FSCN1: variants seen among roughly 807,000 people sequenced by gnomAD.
FSCN1 encodes fascin actin-bundling protein 1.
A neutral mutation model predicts 39.7 loss-of-function variants in FSCN1; 10 were observed. That is an observed-to-expected ratio of 0.25 (90% CI 0.16 to 0.43). The LOEUF (loss-of-function observed/expected upper bound fraction) is 0.43, where lower values mean the gene tolerates loss of function less well. Among genes scored for constraint, FSCN1 ranks in the 20% least tolerant of loss-of-function variants. FSCN1 has a pLI of 1.00. For synonymous variants in FSCN1, 322 were observed against 320.0 expected (o/e 1.01, Z -0.07); for missense variants, 525 against 723.8 (o/e 0.73, Z 3.15).
chr7:5,594,371 C>A (rs1785691974), intron 1 of FSCN1, among the ~76,000 whole-genome samples: 1 of 151,824 alleles, frequency 6.6e-6, no homozygotes, highest in Non-Finnish European at 1.5e-5. Context: ...TGGGGGGGGG[C>A]GCGGGGTGTC....
At position 5,603,803 on chromosome 7, in the gene FSCN1, C is replaced by T. The variant is rs113121892; in HGVS notation, c.1112-60C>T. On this transcript the variant is annotated intron_variant, in intron 3 of 4. Transcript: ENST00000382361. The surrounding 1 kb of genome is among the most constrained non-coding windows in gnomAD (Gnocchi z 8.5). ...GCTCCTGGCCCTCCCTCTCTGGTCACCCCAGCCTCCACCCCACTCCCTGCC... is the reference window on the plus strand; with the variant it reads ...GCTCCTGGCCCTCCCTCTCTGGTCATCCCAGCCTCCACCCCACTCCCTGCC... 5.2e-4 allele frequency: 805 copies of T among 1,560,878 alleles called. 5 individuals are homozygous for T. The African/African-American group carries it at 8.2e-3, about 16-fold the overall frequency.
At position 5,603,843 on chromosome 7, in the gene FSCN1, C is replaced by G. The variant is rs539995032; in HGVS notation, c.1112-20C>G. 25 of 1,607,702 alleles carry G rather than the reference C, an allele frequency of 1.6e-5. No homozygotes were observed. Among genetic ancestry groups the G allele is most frequent in the Non-Finnish European group, 1.7e-5 (20 of 1,175,712 alleles). On this transcript the variant is annotated intron_variant, in intron 3 of 4. Coordinates refer to ENST00000382361, the MANE Select transcript of FSCN1 (RefSeq NM_003088.4). The surrounding 1 kb of genome is among the most constrained non-coding windows in gnomAD (Gnocchi z 8.5). ...CACTCCCTGCCAGGAGGCTCACTGA[C>G]TCCCCTCTTTCTGGGACAGGGGACT...
rs531997577 is a variant in FSCN1 at position 5,604,603 on chromosome 7, G to A, written c.1279+573G>A. Among the ~76,000 whole-genome samples the A allele has an allele frequency of 5.6e-4, 85 of 151,736 alleles. 1 individual carries two copies. Among genetic ancestry groups the A allele is most frequent in the African/African-American group, 2.0e-3 (82 of 41,348 alleles). ...CCTGCCTCAGCCTCCCAAGTAGCTG[G>A]GATTACAGGTGTGCACCACCACGCC... On this transcript the variant is annotated intron_variant, in intron 4 of 4. Coordinates refer to ENST00000382361, the MANE Select transcript of FSCN1 (RefSeq NM_003088.4).
chr7:5,605,211 T>C lies in FSCN1; in HGVS notation c.1280-61T>C. The C allele has an allele frequency of 7.5e-7, 1 of 1,325,500 alleles. No individual in the cohort carries two copies. The highest frequency in any genetic ancestry group is 1.1e-6 in the Non-Finnish European group (1 of 926,752). 82.1% of individuals were successfully genotyped at this position (1,325,500 alleles called of 1,614,324 possible). On this transcript the variant is annotated intron_variant, in intron 4 of 4. Transcript: ENST00000382361. This position sits in a 1 kb window ranked among gnomAD's most constrained non-coding sequence, Gnocchi z 6.9. ...GGGAACACCCGTGCCCACCCTCCGCTGCCCAGGGTAGGGGTGGGGAGCCAG... is the reference window on the plus strand; with the variant it reads ...GGGAACACCCGTGCCCACCCTCCGCCGCCCAGGGTAGGGGTGGGGAGCCAG...
At position 5,600,693 on chromosome 7, in the gene FSCN1, GC is replaced by G. The variant is rs774114418; in HGVS notation, c.833-2561del. The stretch of plus-strand genomic sequence containing the variant: ...TTTTGAGACAGAGTCTCGCATTGTC[GC>G]CCAGGCTGGAGTGCAGTGGCGCGAT... On this transcript the variant is annotated intron_variant, in intron 1 of 4. Coordinates refer to ENST00000382361, the MANE Select transcript of FSCN1 (RefSeq NM_003088.4). 8.9e-5 allele frequency among the ~76,000 whole-genome samples: 13 copies of G among 145,640 alleles called. 1 individual carries two copies. The East Asian group carries it at 2.5e-3, about 28-fold the overall frequency.
Position 5,603,864 on chromosome 7 carries a change from G to GGACTCA in FSCN1, c.1116_1121dup (p.Asp372_Ser373dup), listed in dbSNP as rs1282537463. 1 of 1,612,460 alleles carries GGACTCA rather than the reference G, an allele frequency of 6.2e-7. No individual in the cohort carries two copies. Among genetic ancestry groups the GGACTCA allele is most frequent in the African/African-American group, 1.3e-5 (1 of 74,902 alleles). On this transcript the variant is annotated inframe_insertion and splice_region_variant, in exon 4 of 5. Transcript: ENST00000382361. The surrounding 1 kb of genome is among the most constrained non-coding windows in gnomAD (Gnocchi z 8.5). ...CTGACTCCCCTCTTTCTGGGACAGG[G>GGACTCA]GACTCAGAGCTCTTCCTCATGAAGC...
intron 1 of FSCN1, among the ~76,000 whole-genome samples, chr7:5,600,540 T>C (rs1367866060): frequency 1.3e-5 from 2 of 152,088 alleles, no homozygotes; most frequent in Admixed American, 1.3e-4. Flanking sequence ...TCGCCCAGGC[T>C]GGAGTGCAGT....
In FSCN1 at chr7:5,603,869, C is replaced by T. The variant is rs11557815; in HGVS notation, c.1118C>T (p.Ser373Leu). 2 of 1,613,356 alleles carry T rather than the reference C, an allele frequency of 1.2e-6. No homozygotes were observed. Among genetic ancestry groups the T allele is most frequent in the Admixed American group, 3.3e-5 (2 of 60,010 alleles). ...TCCCCTCTTTCTGGGACAGGGGACT[C>T]AGAGCTCTTCCTCATGAAGCTCATC... ...LAASVETAGDSELFLMKLINR... is the reference protein window; with the variant it reads ...LAASVETAGDLELFLMKLINR... The change falls in exon 4 of 5, where the codon TCA (serine) becomes TTA (leucine). Residue 373 changes from serine (S) to leucine (L), a missense_variant. Ser to Leu is a moderately radical substitution (Grantham distance 145, BLOSUM62 -2). This residue lies in a region of FSCN1 where 275 missense variants were observed against 351.9 expected (regional missense o/e 0.78). Transcript: ENST00000382361. This position sits in a 1 kb window ranked among gnomAD's most constrained non-coding sequence, Gnocchi z 8.5.
chr7:5,605,520 C>T lies in FSCN1; in HGVS notation c.*46C>T. On this transcript the variant is annotated 3_prime_UTR_variant, in exon 5 of 5. Transcript: ENST00000382361. This position sits in a 1 kb window ranked among gnomAD's most constrained non-coding sequence, Gnocchi z 6.9. ...CCCCTGCCCACATGGCGGCTCCTGC[C>T]AACCCTCCCTGCTAACCCCTTCTCC... 7.2e-7 allele frequency: 1 copy of T among 1,384,952 alleles called. No homozygotes were observed. The highest frequency in any genetic ancestry group is 1.4e-5 in the South Asian group (1 of 73,990). 85.8% of individuals were successfully genotyped at this position (1,384,952 alleles called of 1,614,324 possible).
intron 1 of FSCN1, among the ~76,000 whole-genome samples, chr7:5,596,177 G>C (rs1785727127): frequency 6.6e-6 from 1 of 152,040 alleles, no homozygotes; most frequent in South Asian, 2.1e-4. Context: ...TGTCTGCAGA[G>C]GCCATTTTGG....
chr7:5,602,345 A>G (rs1785847866), intron 1 of FSCN1, among the ~76,000 whole-genome samples: 1 of 151,852 alleles, frequency 6.6e-6, no homozygotes, highest in African/African-American at 2.4e-5. Context: ...CGGCCCTTTT[A>G]TAAGTTTTCT....
chr7:5,603,804 C>T lies in FSCN1; in HGVS notation c.1112-59C>T, dbSNP rs1160686134. On this transcript the variant is annotated intron_variant, in intron 3 of 4. Transcript: ENST00000382361. The surrounding 1 kb of genome is among the most constrained non-coding windows in gnomAD (Gnocchi z 8.5). ...CTCCTGGCCCTCCCTCTCTGGTCAC[C>T]CCAGCCTCCACCCCACTCCCTGCCA... is the stretch of plus-strand genomic sequence containing the variant. The T allele has an allele frequency of 6.4e-7, 1 of 1,562,936 alleles. No homozygotes were observed. Among genetic ancestry groups the T allele is most frequent in the African/African-American group, 1.4e-5 (1 of 74,018 alleles).
In FSCN1 at chr7:5,601,181, GTTTC is replaced by G. The variant is rs1401299611; in HGVS notation, c.833-2065_833-2062del. ...CCAGAGACAGAGGACATCTGTGCAT[GTTTC>G]TTTCTTTCTTCCTTTTTTTTTTTTT... On this transcript the variant is annotated intron_variant, in intron 1 of 4. Transcript: ENST00000382361. 2.4e-4 allele frequency among the ~76,000 whole-genome samples: 34 copies of G among 139,310 alleles called. No individual in the cohort carries two copies. In the East Asian group the frequency reaches 6.2e-3, roughly 25 times the overall value. 91.4% of individuals were successfully genotyped at this position (139,310 alleles called of 152,430 possible).
intron 1 of FSCN1, among the ~76,000 whole-genome samples, chr7:5,600,905 CG>C (rs1785817613): frequency 7.4e-6 from 1 of 134,526 alleles, no homozygotes; most frequent in Non-Finnish European, 1.6e-5. Flanking sequence ...CCGCCTGCCT[CG>C]GCCTCCCAAA....
chr7:5,594,357 CTGG>C (rs1562744985), intron 1 of FSCN1, among the ~76,000 whole-genome samples: 4 of 150,796 alleles, frequency 2.7e-5, no homozygotes, highest in Admixed American at 2.0e-4. Context: ...TCGGCCTCCG[CTGG>C]TGGGGGGGGG....
intron 1 of FSCN1, among the ~76,000 whole-genome samples, chr7:5,594,212 C>T (rs895107355): frequency 6.2e-4 from 95 of 152,198 alleles, no homozygotes; most frequent in African/African-American, 2.2e-3. Flanking sequence ...CCCGCAAGGG[C>T]GCGCCTCCAC....
intron 1 of FSCN1, among the ~76,000 whole-genome samples, chr7:5,602,005 A>G (rs1249899153): frequency 6.7e-6 from 1 of 148,962 alleles, no homozygotes; most frequent in African/African-American, 2.5e-5. Flanking sequence ...CCCAGGCTGG[A>G]GTGATCTCGG....
intron 1 of FSCN1, among the ~76,000 whole-genome samples, chr7:5,594,302 C>T (rs1300970858): frequency 1.3e-5 from 2 of 151,798 alleles, no homozygotes; most frequent in Admixed American, 1.3e-4. Context: ...CTCCACCTCC[C>T]CGTCTGCCCG....
intron 1 of FSCN1, among the ~76,000 whole-genome samples, chr7:5,595,878 G>C (rs548564594): frequency 6.6e-6 from 1 of 152,160 alleles, no homozygotes; most frequent in Non-Finnish European, 1.5e-5. Flanking sequence ...TGTTTTTGGC[G>C]AGCCTGGGCA....
Sources: allele counts gnomAD v4.1 joint callset (sites outside exome capture counted in the v4.1 genomes callset), GRCh38; gene constraint gnomAD v4.1.1; regional missense constraint gnomAD v4.1.1; non-coding constraint Gnocchi (gnomAD v3.1); transcripts MANE v1.5; gene names NCBI Gene and HGNC (gene_info 2026-07-23, HGNC 2026-07-21).